The following PATJ variants were observed in gnomAD, a reference collection of about 807,000 sequenced individuals.
PATJ encodes inaD-like protein.
Under a neutral mutation model 224.9 loss-of-function variants are expected in PATJ, and 190 were observed. The ratio of observed to expected loss-of-function variants is 0.84; its 90% confidence interval spans 0.75 to 0.95. The LOEUF (loss-of-function observed/expected upper bound fraction) is 0.95. PATJ is among the 40% of genes least tolerant of loss of function. The probability of loss-of-function intolerance (pLI) is 0.00; values close to 1 mark genes in which losing one functional copy is unlikely to be tolerated. For synonymous variants in PATJ, 769 were observed against 820.3 expected (o/e 0.94, Z 1.07); for missense variants, 2,121 against 2,270.3 (o/e 0.93, Z 1.34).
At chr1:62,013,522 C>T in intron 28 of PATJ, 1 of 984,788 alleles carries the variant, frequency 1.0e-6, no homozygotes, top group African/African-American at 1.7e-5. Flanking sequence ...GAGCTCCACT[C>T]AGTTCAGTAG....
chr1:61,803,527 G>A (rs981572893), intron 12 of PATJ, among the ~76,000 whole-genome samples: 1 of 152,024 alleles, frequency 6.6e-6, no homozygotes, highest in Non-Finnish European at 1.5e-5. Flanking sequence ...ACGAAAACCG[G>A]TAAAGACAAT....
chr1:61,828,564 AT>A (rs1280838481), intron 16 of PATJ, among the ~76,000 whole-genome samples: 4 of 151,348 alleles, frequency 2.6e-5, no homozygotes, highest in East Asian at 2.0e-4. Flanking sequence ...TAACTAAAAA[AT>A]TTTTTTCGTA....
In PATJ at chr1:61,822,998, G is replaced by A; in HGVS notation, c.1737G>A (p.Gly579=). The A allele has an allele frequency of 6.2e-7, 1 of 1,613,944 alleles. No individual in the cohort carries two copies. Among genetic ancestry groups the A allele is most frequent in the East Asian group, 2.2e-5 (1 of 44,856 alleles). The change falls in exon 15 of 44, where the codon GGG becomes GGA. Residue 579 remains glycine (G), a synonymous_variant. Transcript: ENST00000642238. The part of the protein sequence containing the change: ...RLGVEVDSFD[G]HHYISSIVSG... Reference sequence around the variant, plus strand: ...GTGTGGAAGTGGATTCCTTTGATGGGCACCATTATATTTCTTCAATTGTTT... The same window carrying A: ...GTGTGGAAGTGGATTCCTTTGATGGACACCATTATATTTCTTCAATTGTTT...
chr1:62,128,028 A>G lies in PATJ; in HGVS notation c.5100A>G (p.Gly1700=). ...CTGGAGGAAGAGGAAGTCCCTTAGG[A>G]GATATCCCCGTATTTATTGCCATGA... ...SIAGGRGSPL[G]DIPVFIAMIQ... The change falls in exon 40 of 44, where the codon GGA becomes GGG. Residue 1700 remains glycine (G), a synonymous_variant. Transcript: ENST00000642238. 1 of 1,614,056 alleles carries G rather than the reference A, an allele frequency of 6.2e-7. No individual in the cohort carries two copies. Among genetic ancestry groups the G allele is most frequent in the Non-Finnish European group, 8.5e-7 (1 of 1,179,944 alleles).
At chr1:61,835,507 G>C (rs1415063236) in intron 17 of PATJ, among the ~76,000 whole-genome samples, 6 of 152,236 alleles carry the variant, frequency 3.9e-5, no homozygotes, top group African/African-American at 1.4e-4. Flanking sequence ...GGGTTCAAGT[G>C]ATTCTTGTGC....
At chr1:61,807,956 A>G (rs1181839842) in intron 13 of PATJ, among the ~76,000 whole-genome samples, 1 of 152,188 alleles carries the variant, frequency 6.6e-6, no homozygotes. Context: ...GCTTTCCACC[A>G]AGGACCAGGT....
intron 29 of PATJ, among the ~76,000 whole-genome samples, chr1:62,022,294 A>T (rs1003728385): frequency 3.3e-5 from 5 of 152,218 alleles, no homozygotes; most frequent in Non-Finnish European, 7.3e-5. Flanking sequence ...CAAATCAGCA[A>T]GTTGCAGCTA....
chr1:62,079,073 A>G (rs1386700762), intron 31 of PATJ, among the ~76,000 whole-genome samples: 3 of 152,056 alleles, frequency 2.0e-5, no homozygotes, highest in Non-Finnish European at 4.4e-5. Context: ...CAACACAGAT[A>G]AGTCACTTCA....
At chr1:61,790,028 A>G (rs1649441221) in intron 8 of PATJ, among the ~76,000 whole-genome samples, 1 of 152,062 alleles carries the variant, frequency 6.6e-6, no homozygotes, top group South Asian at 2.1e-4. Flanking sequence ...AGAAATGTTT[A>G]AAAGATGAGT....
At chr1:62,075,767 A>C (rs1277325538) in intron 31 of PATJ, among the ~76,000 whole-genome samples, 2 of 151,994 alleles carry the variant, frequency 1.3e-5, no homozygotes, top group Non-Finnish European at 2.9e-5. Context: ...AAATACAAAA[A>C]ATTAGCCAGG....
chr1:61,780,151 T>C (rs535242), intron 7 of PATJ, among the ~76,000 whole-genome samples: 10,398 of 152,118 alleles, frequency 0.068, 403 homozygotes, highest in Non-Finnish European at 0.081. Context: ...TTTGAGAATG[T>C]TCATTTTATA....
chr1:61,864,716 T>C (rs1470584140), intron 20 of PATJ, 83 bp downstream of exon 20: 1 of 1,293,698 alleles, frequency 7.7e-7, no homozygotes, highest in African/African-American at 1.5e-5. Context: ...CACTTCAATG[T>C]TGTTTGTTTT....
At chr1:61,858,459 A>G (rs1664048048) in intron 18 of PATJ, among the ~76,000 whole-genome samples, 1 of 152,102 alleles carries the variant, frequency 6.6e-6, no homozygotes, top group Non-Finnish European at 1.5e-5. Flanking sequence ...ACAGGGTTTC[A>G]CCATGTTGGC....
At chr1:62,106,079 TACACACAC>T (rs1229837123) in intron 33 of PATJ, among the ~76,000 whole-genome samples, 460 of 20,652 alleles carry the variant, frequency 0.022, 24 homozygotes, top group African/African-American at 0.067. Context: ...TATATATATA[TACACACAC>T]ACACACACAC....
intron 31 of PATJ, among the ~76,000 whole-genome samples, chr1:62,070,398 G>A (rs993491494): frequency 3.9e-5 from 6 of 152,106 alleles, no homozygotes; most frequent in African/African-American, 1.4e-4. Flanking sequence ...AAATCCACGT[G>A]GGTGCATTTA....
chr1:61,904,069 C>T (rs1294704627), intron 24 of PATJ, among the ~76,000 whole-genome samples: 5 of 152,088 alleles, frequency 3.3e-5, no homozygotes, highest in East Asian at 3.9e-4. Context: ...CCATTGCGCC[C>T]GGACAGTACT....
At chr1:61,855,887 A>AC in intron 17 of PATJ, 143 bp from the exon 18 acceptor site, 2 of 635,590 alleles carry the variant, frequency 3.1e-6, no homozygotes, top group Non-Finnish European at 5.6e-6. Flanking sequence ...ATTTATTTTT[A>AC]CCTGTTTAGA....
At chr1:62,048,545 CAAAAAAAAAAAAAAAAA>C (rs773157635) in intron 30 of PATJ, among the ~76,000 whole-genome samples, 2 of 66,166 alleles carry the variant, frequency 3.0e-5, no homozygotes, top group African/African-American at 8.1e-5. Context: ...GACTCTGTCT[CAAAAAAAAAAAAAAAAA>C]AAAAAAAAGA....
chr1:61,768,903 G>GA (rs3838408), intron 4 of PATJ, among the ~76,000 whole-genome samples: 38,578 of 151,362 alleles, frequency 0.25, 5,075 homozygotes, highest in East Asian at 0.43. Context: ...CTGTCTCCAA[G>GA]AAAAAAAATA....
Sources: gnomAD v4.1 joint callset for allele counts (sites outside exome capture counted in the v4.1 genomes callset) on GRCh38, gnomAD v4.1.1 for gene constraint, MANE v1.5 for transcripts, NCBI Gene and HGNC (gene_info 2026-07-23, HGNC 2026-07-21) for gene names.